The following FBP2 variants were observed in gnomAD, a reference collection of about 807,000 sequenced individuals.
FBP2 encodes the protein fructose-1,6-bisphosphatase isozyme 2.
In FBP2, 27 loss-of-function variants were observed where a neutral mutation model predicts 31.6. The observed-to-expected ratio is 0.85, with a 90% CI of 0.63 to 1.18. FBP2 has a LOEUF of 1.18. FBP2 is among the 50% of genes most tolerant of loss of function. The pLI is 0.00. For synonymous variants in FBP2, 168 were observed against 179.8 expected (o/e 0.93, Z 0.53); for missense variants, 421 against 436.1 (o/e 0.97, Z 0.31).
intron 1 of FBP2, among the ~76,000 whole-genome samples, chr9:94,590,362 A>G (rs1827480569): frequency 6.6e-6 from 1 of 152,186 alleles, no homozygotes; most frequent in South Asian, 2.1e-4. Flanking sequence ...AGAGAAGGGG[A>G]AAAGGAGACT....
chr9:94,579,329 C>T (rs1424776901), intron 3 of FBP2, among the ~76,000 whole-genome samples: 4 of 134,156 alleles, frequency 3.0e-5, no homozygotes, highest in Non-Finnish European at 6.1e-5. Flanking sequence ...ACCCAGTAGG[C>T]GGAGCTTGCA....
At chr9:94,584,220 G>A (rs1362370443) in intron 3 of FBP2, among the ~76,000 whole-genome samples, 2 of 152,192 alleles carry the variant, frequency 1.3e-5, no homozygotes, top group African/African-American at 4.8e-5. Context: ...ACTTTCTGTG[G>A]CTGGGGACAG....
At chr9:94,591,821 C>T (rs774893786) in intron 1 of FBP2, among the ~76,000 whole-genome samples, 9 of 152,148 alleles carry the variant, frequency 5.9e-5, no homozygotes, top group Admixed American at 1.3e-4. Flanking sequence ...AATCTAAGGT[C>T]CTAGCAAGAG....
chr9:94,575,079 C>CT (rs1330134408), intron 3 of FBP2, among the ~76,000 whole-genome samples: 1 of 152,036 alleles, frequency 6.6e-6, no homozygotes, highest in African/African-American at 2.4e-5. Context: ...GAAATGTGGA[C>CT]TTTTTTCCTT....
chr9:94,571,170 C>T lies in FBP2; in HGVS notation c.567+292G>A, dbSNP rs78140534. On this transcript the variant is annotated intron_variant, in intron 4 of 6. Coordinates refer to ENST00000375337, the MANE Select transcript of FBP2 (RefSeq NM_003837.4). ...ATTGTGATTCTTAAATCATGGCATT[C>T]TCATAAGCCAAAGAGATTGAGTGCA... 4.6e-3 allele frequency among the ~76,000 whole-genome samples: 702 copies of T among 152,286 alleles called. 10 individuals are homozygous for T. The highest frequency in any genetic ancestry group is 0.016 in the African/African-American group (674 of 41,564).
chr9:94,589,323 G>A (rs1472978732), intron 1 of FBP2, among the ~76,000 whole-genome samples: 1 of 152,104 alleles, frequency 6.6e-6, no homozygotes, highest in Admixed American at 6.5e-5. Context: ...AGTGCTCTCT[G>A]CCCGGCTTTC....
At chr9:94,592,246 A>G (rs548348) in intron 1 of FBP2, among the ~76,000 whole-genome samples, 47,674 of 152,058 alleles carry the variant, frequency 0.31, 7,596 homozygotes, top group East Asian at 0.54. Flanking sequence ...CACCCACAGG[A>G]AAAAAGCAAG....
intron 1 of FBP2, among the ~76,000 whole-genome samples, chr9:94,591,351 G>A (rs1199130916): frequency 2.0e-5 from 3 of 152,232 alleles, no homozygotes; most frequent in African/African-American, 7.2e-5. Flanking sequence ...AGCACTGCTG[G>A]GGGACTCAGT....
intron 3 of FBP2, among the ~76,000 whole-genome samples, chr9:94,579,388 ACT>A (rs1329699621): frequency 8.4e-5 from 10 of 118,450 alleles, no homozygotes; most frequent in Non-Finnish European, 1.7e-4. Context: ...ACAGAGTGAG[ACT>A]CTGTCTCAAA....
At chr9:94,566,850 A>G (rs1008917873) in intron 5 of FBP2, among the ~76,000 whole-genome samples, 1 of 152,166 alleles carries the variant, frequency 6.6e-6, no homozygotes, top group African/African-American at 2.4e-5. Flanking sequence ...TTTATATTTT[A>G]TGTTTCTAAT....
At chr9:94,588,077 T>A (rs1409292653) in intron 1 of FBP2, among the ~76,000 whole-genome samples, 1 of 151,800 alleles carries the variant, frequency 6.6e-6, no homozygotes, top group Non-Finnish European at 1.5e-5. Flanking sequence ...GGTCTTGATC[T>A]CCTGACCTGG....
intron 1 of FBP2, among the ~76,000 whole-genome samples, chr9:94,590,360 G>C (rs1827480518): frequency 6.6e-6 from 1 of 152,168 alleles, no homozygotes; most frequent in African/African-American, 2.4e-5. Context: ...AAAGAGAAGG[G>C]GAAAAGGAGA....
intron 2 of FBP2, among the ~76,000 whole-genome samples, chr9:94,585,539 G>C (rs995218650): frequency 6.6e-5 from 10 of 151,160 alleles, no homozygotes; most frequent in African/African-American, 9.7e-5. Context: ...GAGCCATGAG[G>C]GGGGGTCACA....
At chr9:94,565,635 G>T (rs1039430507) in intron 5 of FBP2, among the ~76,000 whole-genome samples, 2 of 151,982 alleles carry the variant, frequency 1.3e-5, no homozygotes, top group Non-Finnish European at 2.9e-5. Context: ...TAGCCCAGAA[G>T]GACTTGACAT....
intron 3 of FBP2, among the ~76,000 whole-genome samples, chr9:94,583,575 G>C (rs533074433): frequency 6.6e-6 from 1 of 152,068 alleles, no homozygotes; most frequent in Non-Finnish European, 1.5e-5. Flanking sequence ...AATGTAACTG[G>C]CACTCTGCTT....
intron 1 of FBP2, among the ~76,000 whole-genome samples, chr9:94,590,158 C>T (rs531237611): frequency 3.3e-5 from 5 of 152,254 alleles, no homozygotes; most frequent in African/African-American, 4.8e-5. Context: ...TGTGAGTTCC[C>T]GGCAATAGCT....
At chr9:94,568,389 C>G (rs79849403) in intron 4 of FBP2, 1 of 152,090 alleles carries the variant, frequency 6.6e-6, no homozygotes, top group Non-Finnish European at 1.5e-5. Context: ...CTCAAATACC[C>G]CTATGTCTAG....
At chr9:94,579,902 C>T (rs537555426) in intron 3 of FBP2, among the ~76,000 whole-genome samples, 2 of 152,292 alleles carry the variant, frequency 1.3e-5, no homozygotes, top group South Asian at 4.1e-4. Context: ...GCAATGTTTT[C>T]CTACATTATT....
At chr9:94,573,384 G>A (rs904145917) in intron 3 of FBP2, among the ~76,000 whole-genome samples, 1 of 152,112 alleles carries the variant, frequency 6.6e-6, no homozygotes, top group Non-Finnish European at 1.5e-5. Flanking sequence ...TCAACTTCTT[G>A]AGTAGCTGGG....
Sources: gnomAD v4.1 joint callset for allele counts (sites outside exome capture counted in the v4.1 genomes callset) on GRCh38, gnomAD v4.1.1 for gene constraint, MANE v1.5 for transcripts, NCBI Gene and HGNC (gene_info 2026-07-23, HGNC 2026-07-21) for gene names.